Variants in PHC3 observed in about 807,000 individuals in gnomAD.
PHC3 encodes the protein polyhomeotic-like protein 3.
A neutral mutation model predicts 107.4 loss-of-function variants in PHC3; 13 were observed. The observed-to-expected ratio is 0.12, with a 90% CI of 0.08 to 0.19. The LOEUF is 0.19. PHC3 is among the 10% of genes least tolerant of loss of function. PHC3 has a pLI of 1.00. For missense variants in PHC3, 992 were observed against 1,210.9 expected (o/e 0.82, Z 2.68); for synonymous variants, 456 against 427.4 (o/e 1.07, Z -0.83).
At position 170,154,558 on chromosome 3, in the gene PHC3, C is replaced by CA. The variant is rs1726583264; in HGVS notation, c.415-5315dup. On this transcript the variant is annotated intron_variant, in intron 4 of 14. Transcript: ENST00000495893. ...TAAAAAATGATTGGCTGATAGCTAA[C>CA]AAGCTGGAGAATGCTTTTTAAGGAA... is the stretch of plus-strand genomic sequence containing the variant. Among the ~76,000 whole-genome samples, 4 of 152,106 alleles carry CA rather than the reference C, an allele frequency of 2.6e-5. No individual in the cohort carries two copies. The South Asian group carries it at 8.3e-4, about 32-fold the overall frequency.
chr3:170,122,595 C>T lies in PHC3; in HGVS notation c.1938G>A (p.Leu646=), dbSNP rs1275624820. ...CAAATTTTGGTATTTTCTCACCTAA[C>T]AAAGGATGTTCAGAAGTCAAATCTT... ...RGEDLTSEHP[L]LEQVELPAVA... Residue 646 remains leucine, a synonymous_variant, in exon 9 of 15, where the codon TTG becomes TTA. Coordinates refer to ENST00000495893, the MANE Select transcript of PHC3 (RefSeq NM_024947.4). 2 of 1,613,862 alleles carry T rather than the reference C, an allele frequency of 1.2e-6. No homozygotes were observed. Among genetic ancestry groups the T allele is most frequent in the South Asian group, 2.2e-5 (2 of 91,066 alleles).
At chr3:170,132,157 A>G (rs1241620469) in intron 7 of PHC3, among the ~76,000 whole-genome samples, 1 of 152,224 alleles carries the variant, frequency 6.6e-6, no homozygotes, top group Non-Finnish European at 1.5e-5. Context: ...CTTTAAATTC[A>G]GAGAATTAAT....
intron 6 of PHC3, among the ~76,000 whole-genome samples, chr3:170,138,506 T>G (rs1280435123): frequency 6.6e-6 from 1 of 151,864 alleles, no homozygotes; most frequent in African/African-American, 2.4e-5. Flanking sequence ...CCTGGCCTAT[T>G]TGGTGAAACA....
At chr3:170,162,203 G>A (rs541293666) in intron 4 of PHC3, among the ~76,000 whole-genome samples, 1 of 152,258 alleles carries the variant, frequency 6.6e-6, no homozygotes, top group African/African-American at 2.4e-5. Context: ...ATGAACAGTA[G>A]TGAAGTCATC....
At chr3:170,114,806 C>G (rs1319222026) in intron 10 of PHC3, among the ~76,000 whole-genome samples, 1 of 152,302 alleles carries the variant, frequency 6.6e-6, no homozygotes, top group Middle Eastern at 3.4e-3. Flanking sequence ...CCAATATCTG[C>G]CACATATGGG....
chr3:170,107,502 A>C (rs945835779), intron 11 of PHC3, among the ~76,000 whole-genome samples: 3 of 152,188 alleles, frequency 2.0e-5, no homozygotes, highest in Non-Finnish European at 4.4e-5. Flanking sequence ...TGCATATATC[A>C]GGAGGCTGAG....
At chr3:170,161,301 T>C (rs921005541) in intron 4 of PHC3, among the ~76,000 whole-genome samples, 2 of 152,332 alleles carry the variant, frequency 1.3e-5, no homozygotes, top group Middle Eastern at 3.4e-3. Context: ...CATAGTCCAA[T>C]CTGTCAGTCT....
intron 6 of PHC3, among the ~76,000 whole-genome samples, chr3:170,140,847 C>T (rs1031782579): frequency 3.9e-5 from 6 of 152,074 alleles, no homozygotes; most frequent in African/African-American, 1.4e-4. Context: ...ATCTGCCTGC[C>T]TTGGCCTCCC....
rs544884839 is a variant in PHC3 at position 170,173,106 on chromosome 3, C to T, written c.181-394G>A. Among the ~76,000 whole-genome samples the T allele has an allele frequency of 3.3e-5, 5 of 151,722 alleles. No individual in the cohort carries two copies. The East Asian group carries it at 7.8e-4, about 24-fold the overall frequency. ...ACTCGGGAGGCTGAGGCAGGAGAAT[C>T]GCTTGAACCTGTGAGGTGAAGGCTG... On this transcript the variant is annotated intron_variant, in intron 2 of 14. Transcript: ENST00000495893.
rs553806253 is a variant in PHC3 at position 170,137,035 on chromosome 3, T to A, written c.673-370A>T. Among the ~76,000 whole-genome samples, 8 of 152,314 alleles carry A rather than the reference T, an allele frequency of 5.3e-5. No homozygotes were observed. In the South Asian group the frequency reaches 6.2e-4, roughly 12 times the overall value. On this transcript the variant is annotated intron_variant, in intron 6 of 14. Coordinates refer to ENST00000495893, the MANE Select transcript of PHC3 (RefSeq NM_024947.4). Reference sequence around the variant, plus strand: ...ATACAGACAGTGTGTGTATTATATATGTATGAACTGTGAATATGAGGAAAT... The same window carrying A: ...ATACAGACAGTGTGTGTATTATATAAGTATGAACTGTGAATATGAGGAAAT...
At chr3:170,119,217 G>T (rs1430686571) in intron 9 of PHC3, among the ~76,000 whole-genome samples, 2 of 152,078 alleles carry the variant, frequency 1.3e-5, no homozygotes, top group Non-Finnish European at 2.9e-5. Flanking sequence ...AAGGATGAAA[G>T]ATTTAAAAAT....
intron 4 of PHC3, among the ~76,000 whole-genome samples, chr3:170,158,970 G>A (rs151132889): frequency 0.012 from 1,843 of 151,220 alleles, 39 homozygotes; most frequent in African/African-American, 0.042. Flanking sequence ...ATAAAATCTG[G>A]GCCGGGCGTG....
At chr3:170,142,093 A>G (rs944827972) in intron 6 of PHC3, among the ~76,000 whole-genome samples, 2 of 152,218 alleles carry the variant, frequency 1.3e-5, no homozygotes, top group Non-Finnish European at 2.9e-5. Flanking sequence ...GCTGAGCTGC[A>G]AGTAACGGCT....
chr3:170,172,230 T>C (rs1038650631), intron 3 of PHC3, among the ~76,000 whole-genome samples: 2 of 152,112 alleles, frequency 1.3e-5, no homozygotes, highest in Non-Finnish European at 2.9e-5. Context: ...ATATAATTTT[T>C]TTAATCTTAT....
At chr3:170,112,167 G>A (rs1717919761) in intron 11 of PHC3, among the ~76,000 whole-genome samples, 1 of 151,906 alleles carries the variant, frequency 6.6e-6, no homozygotes, top group Non-Finnish European at 1.5e-5. Flanking sequence ...ATTTTTGTTT[G>A]CTTTCCTTCA....
intron 4 of PHC3, among the ~76,000 whole-genome samples, chr3:170,166,407 A>T (rs1728754278): frequency 6.6e-6 from 1 of 152,190 alleles, no homozygotes; most frequent in Non-Finnish European, 1.5e-5. Flanking sequence ...AAGCTTACAC[A>T]ATGCATTCTT....
Position 170,094,968 on chromosome 3 carries a change from A to G in PHC3, c.*2262T>C, listed in dbSNP as rs1277230031. On this transcript the variant is annotated 3_prime_UTR_variant, in exon 15 of 15. Transcript: ENST00000495893. ...AGGCCATAGGTAATACAGTTATAGG[A>G]TGTAATCATTATTGCTGGAGCAGTC... 1 of 152,150 alleles carries G rather than the reference A, an allele frequency of 6.6e-6. No individual in the cohort carries two copies. Among genetic ancestry groups the G allele is most frequent in the East Asian group, 1.9e-4 (1 of 5,198 alleles). 9.4% of individuals were successfully genotyped at this position (152,150 alleles called of 1,614,324 possible). A position where few individuals can be genotyped will look rare whatever the true frequency, so the allele number is the denominator to read the frequency against.
chr3:170,102,516 T>C lies in PHC3; in HGVS notation c.2796A>G (p.Thr932=), dbSNP rs1715676651. The C allele has an allele frequency of 6.2e-7, 1 of 1,613,852 alleles. No individual in the cohort carries two copies. Among genetic ancestry groups the C allele is most frequent in the Non-Finnish European group, 8.5e-7 (1 of 1,179,818 alleles). The change falls in exon 14 of 15, where the codon ACA becomes ACG. Residue 932 remains threonine (T), a synonymous_variant. Transcript: ENST00000495893. ...GGATGAAGGCCCAGACATCATCAAC[T>C]GTCCATATAGATGGCTCTGTTTGTG... The part of the protein sequence containing the change: ...PVAQTEPSIW[T]VDDVWAFIHS...
At chr3:170,142,099 C>A in intron 6 of PHC3, among the ~76,000 whole-genome samples, 1 of 151,982 alleles carries the variant, frequency 6.6e-6, no homozygotes, top group Non-Finnish European at 1.5e-5. Context: ...CTGCAAGTAA[C>A]GGCTCCGAGA....
Sources: gnomAD v4.1 joint callset for allele counts (sites outside exome capture counted in the v4.1 genomes callset) on GRCh38, gnomAD v4.1.1 for gene constraint, MANE v1.5 for transcripts, NCBI Gene and HGNC (gene_info 2026-07-23, HGNC 2026-07-21) for gene names.